Variants in NTRK3 observed in about 807,000 individuals in gnomAD.
NTRK3 encodes the protein neurotrophic receptor tyrosine kinase 3.
Under a neutral mutation model 91.7 loss-of-function variants are expected in NTRK3, and 24 were observed. The ratio of observed to expected loss-of-function variants is 0.26; its 90% confidence interval spans 0.19 to 0.37. NTRK3 has a LOEUF of 0.37. NTRK3 is among the 10% of genes least tolerant of loss of function. The pLI, the probability that NTRK3 is intolerant of heterozygous loss-of-function variation, is 1.00. For synonymous variants in NTRK3, 483 were observed against 404.0 expected (o/e 1.20, Z -2.34); for missense variants, 880 against 1,068.9 (o/e 0.82, Z 2.46).
At chr15:87,879,614 T>A (rs1031555421) in intron 18 of NTRK3, among the ~76,000 whole-genome samples, 1 of 152,208 alleles carries the variant, frequency 6.6e-6, no homozygotes, top group Non-Finnish European at 1.5e-5. Flanking sequence ...AGAGCTAACA[T>A]GCTTAGAAAA....
At chr15:87,970,988 G>T (rs1245417059) in intron 14 of NTRK3, among the ~76,000 whole-genome samples, 1 of 152,166 alleles carries the variant, frequency 6.6e-6, no homozygotes, top group Non-Finnish European at 1.5e-5. Context: ...GCACAGTGGG[G>T]TTATTCTGGT....
chr15:88,239,393 C>A (rs1292614449), intron 3 of NTRK3, among the ~76,000 whole-genome samples: 2 of 151,630 alleles, frequency 1.3e-5, no homozygotes, highest in African/African-American at 2.4e-5. Context: ...CTCAACTACA[C>A]CTTGGGGGCA....
At chr15:88,239,617 A>G (rs1470674279) in intron 3 of NTRK3, among the ~76,000 whole-genome samples, 1 of 152,112 alleles carries the variant, frequency 6.6e-6, no homozygotes, top group Admixed American at 6.5e-5. Context: ...GTCAGGAGAG[A>G]ACCAGGCACC....
At chr15:88,201,908 T>C (rs2048333833) in intron 3 of NTRK3, among the ~76,000 whole-genome samples, 1 of 152,254 alleles carries the variant, frequency 6.6e-6, no homozygotes, top group South Asian at 2.1e-4. Context: ...TGATAACAAC[T>C]TTATAAAATA....
At chr15:88,115,888 C>T (rs1409720760) in intron 13 of NTRK3, among the ~76,000 whole-genome samples, 1 of 152,114 alleles carries the variant, frequency 6.6e-6, no homozygotes, top group Non-Finnish European at 1.5e-5. Context: ...CCACTCCGAG[C>T]CACTCCGGGG....
intron 16 of NTRK3, among the ~76,000 whole-genome samples, chr15:87,930,149 G>T (rs1236511843): frequency 6.6e-6 from 1 of 152,152 alleles, no homozygotes; most frequent in Non-Finnish European, 1.5e-5. Context: ...TTAGCACTGG[G>T]TAACTTATGG....
At chr15:88,010,266 G>A (rs1005909107) in intron 14 of NTRK3, among the ~76,000 whole-genome samples, 36 of 152,060 alleles carry the variant, frequency 2.4e-4, no homozygotes, top group Non-Finnish European at 3.4e-4. Context: ...ACCTTTGCCC[G>A]TTCTAATAGC....
At chr15:88,137,424 C>A (rs142726068) in exon 7 of NTRK3, 11 of 1,613,944 alleles carry the variant, frequency 6.8e-6, no homozygotes, top group Admixed American at 6.7e-5. Flanking sequence ...GATGTTCATG[C>A]GGAAGAGAGG....
intron 3 of NTRK3, 94 bp from the exon 4 acceptor site, chr15:88,184,393 G>A (rs55667632): frequency 1.7e-6 from 2 of 1,193,644 alleles, no homozygotes; most frequent in South Asian, 2.6e-5. Context: ...TCCCCGATGA[G>A]CTAATTGATT....
intron 3 of NTRK3, among the ~76,000 whole-genome samples, chr15:88,252,325 A>G (rs578195490): frequency 6.6e-6 from 1 of 152,234 alleles, no homozygotes; most frequent in South Asian, 2.1e-4. Flanking sequence ...AGGAGCCAAC[A>G]TGACGGCCAA....
chr15:88,003,586 T>G (rs1185565621), intron 14 of NTRK3, among the ~76,000 whole-genome samples: 2 of 152,186 alleles, frequency 1.3e-5, no homozygotes, highest in Non-Finnish European at 2.9e-5. Flanking sequence ...GAGCTGAGAT[T>G]TGAGCCCAGG....
chr15:87,979,949 T>C (rs1044504319), intron 14 of NTRK3, among the ~76,000 whole-genome samples: 2 of 152,082 alleles, frequency 1.3e-5, no homozygotes, highest in African/African-American at 4.8e-5. Context: ...GGAGCTAAAA[T>C]TACACAGACC....
chr15:87,972,015 C>T (rs1326233094), intron 14 of NTRK3, among the ~76,000 whole-genome samples: 1 of 152,210 alleles, frequency 6.6e-6, no homozygotes, highest in African/African-American at 2.4e-5. Flanking sequence ...TCTATCAGAA[C>T]TCTGTAACAG....
At chr15:88,171,992 G>A (rs1408210966) in intron 5 of NTRK3, among the ~76,000 whole-genome samples, 4 of 152,254 alleles carry the variant, frequency 2.6e-5, no homozygotes, top group Non-Finnish European at 5.9e-5. Context: ...GTTTCAAGGT[G>A]CATCTTGGGA....
At chr15:88,058,221 A>G (rs530051108) in intron 13 of NTRK3, among the ~76,000 whole-genome samples, 91 of 152,242 alleles carry the variant, frequency 6.0e-4, no homozygotes, top group African/African-American at 2.1e-3. Flanking sequence ...GTGGCAGGTA[A>G]GCACCAGGAC....
chr15:88,033,523 A>G (rs1412334103), intron 13 of NTRK3, among the ~76,000 whole-genome samples: 1 of 151,720 alleles, frequency 6.6e-6, no homozygotes, highest in African/African-American at 2.4e-5. Context: ...GTTGGCCAGG[A>G]TGGTCTCAAA....
At chr15:88,192,245 C>A (rs1249745494) in intron 3 of NTRK3, among the ~76,000 whole-genome samples, 3 of 152,142 alleles carry the variant, frequency 2.0e-5, no homozygotes, top group Admixed American at 1.3e-4. Flanking sequence ...TCACTGCTAC[C>A]CCACTAAGAA....
intron 14 of NTRK3, among the ~76,000 whole-genome samples, chr15:87,950,785 T>A (rs898961603): frequency 6.6e-6 from 1 of 152,202 alleles, no homozygotes; most frequent in Admixed American, 6.5e-5. Flanking sequence ...AATTTCTTCC[T>A]CTCACCTGCT....
chr15:88,154,223 T>A (rs1236886233), intron 5 of NTRK3, among the ~76,000 whole-genome samples: 1 of 151,816 alleles, frequency 6.6e-6, no homozygotes, highest in Non-Finnish European at 1.5e-5. Flanking sequence ...CTGTGACTAC[T>A]TCTGTGCACC....
Sources: gnomAD v4.1 joint callset for allele counts (sites outside exome capture counted in the v4.1 genomes callset) on GRCh38, gnomAD v4.1.1 for gene constraint, MANE v1.5 for transcripts, NCBI Gene and HGNC (gene_info 2026-07-23, HGNC 2026-07-21) for gene names.